LCLAT1: variants seen among roughly 807,000 people sequenced by gnomAD.
LCLAT1 encodes lysocardiolipin acyltransferase 1, also known as 1-AGP acyltransferase 8.
A neutral mutation model predicts 30.7 loss-of-function variants in LCLAT1; 11 were observed. The observed-to-expected ratio is 0.36, with a 90% CI of 0.23 to 0.59. The LOEUF (loss-of-function observed/expected upper bound fraction) is 0.59. Ranked by LOEUF, LCLAT1 falls within the 20% of genes least tolerant of loss-of-function variation. The pLI is 0.77. For synonymous variants in LCLAT1, 155 were observed against 151.3 expected, an observed-to-expected ratio of 1.02 and a Z score of -0.18; for missense variants, 402 against 458.6, an observed-to-expected ratio of 0.88 and a Z score of 1.13.
intron 1 of LCLAT1, among the ~76,000 whole-genome samples, chr2:30,476,976 C>T (rs1558462792): frequency 6.6e-6 from 1 of 152,128 alleles, no homozygotes; most frequent in Non-Finnish European, 1.5e-5. Context: ...ATAAGTTTTG[C>T]AGTTCATTTT....
At chr2:30,552,960 C>T (rs936179303) in intron 3 of LCLAT1, among the ~76,000 whole-genome samples, 3 of 152,112 alleles carry the variant, frequency 2.0e-5, no homozygotes, top group Non-Finnish European at 1.5e-5. Context: ...GTCGAAGGAG[C>T]AGTTGTCTGT....
intron 1 of LCLAT1, among the ~76,000 whole-genome samples, chr2:30,450,980 C>CGTGT (rs35125419): frequency 2.6e-5 from 4 of 151,794 alleles, no homozygotes; most frequent in Non-Finnish European, 5.9e-5. Flanking sequence ...GGACTCATAC[C>CGTGT]GTGTGTGTGT....
intron 1 of LCLAT1, among the ~76,000 whole-genome samples, chr2:30,502,993 G>A (rs1395123515): frequency 6.6e-6 from 1 of 152,170 alleles, no homozygotes; most frequent in Non-Finnish European, 1.5e-5. Context: ...GGCAACGTAT[G>A]GTCTCTTGGC....
chr2:30,593,288 C>T (rs1380446474), intron 5 of LCLAT1, among the ~76,000 whole-genome samples: 1 of 151,778 alleles, frequency 6.6e-6, no homozygotes, highest in Non-Finnish European at 1.5e-5. Context: ...ATATGGAATA[C>T]ATTTTCTTTT....
At chr2:30,488,847 T>C (rs1683690979) in intron 1 of LCLAT1, among the ~76,000 whole-genome samples, 1 of 152,226 alleles carries the variant, frequency 6.6e-6, no homozygotes, top group African/African-American at 2.4e-5. Flanking sequence ...TTACTATATT[T>C]CCATAAGGAA....
intron 3 of LCLAT1, among the ~76,000 whole-genome samples, chr2:30,544,663 C>T (rs10495776): frequency 0.71 from 108,490 of 151,964 alleles, 38,832 homozygotes; most frequent in African/African-American, 0.76. Flanking sequence ...TTACTTCTAT[C>T]AGCTTTGAAT....
Position 30,640,533 on chromosome 2 carries a change from A to T in LCLAT1, c.1045A>T (p.Ile349Leu). 1 of 1,614,158 alleles carries T rather than the reference A, an allele frequency of 6.2e-7. No homozygotes were observed. The highest frequency in any genetic ancestry group is 8.5e-7 in the Non-Finnish European group (1 of 1,180,014). The change falls in exon 6 of 6, where the codon ATA becomes TTA. Residue 349 changes from isoleucine (I) to leucine (L), a missense_variant. Physicochemically the swap from Ile to Leu is conservative, Grantham distance 5. Transcript: ENST00000379509. Reference protein sequence around the residue: ...TIVIFVLQERIFGGLEIIELA... With the variant: ...TIVIFVLQERLFGGLEIIELA... ...TGTAATCTTTGTGCTGCAAGAGAGAATATTTGGTGGACTGGAGATCATAGA... is the reference window on the plus strand; with the variant it reads ...TGTAATCTTTGTGCTGCAAGAGAGATTATTTGGTGGACTGGAGATCATAGA...
At chr2:30,447,772 G>A (rs1681334259) in intron 1 of LCLAT1, among the ~76,000 whole-genome samples, 1 of 152,204 alleles carries the variant, frequency 6.6e-6, no homozygotes, top group African/African-American at 2.4e-5. Flanking sequence ...GTCCCGGAAC[G>A]CAACCTGAGG....
intron 1 of LCLAT1, among the ~76,000 whole-genome samples, chr2:30,494,590 G>A (rs1684006749): frequency 6.6e-6 from 1 of 151,466 alleles, no homozygotes; most frequent in Non-Finnish European, 1.5e-5. Flanking sequence ...GTGCATACAT[G>A]TATGCATGCA....
chr2:30,546,582 C>T (rs984439989), intron 3 of LCLAT1, among the ~76,000 whole-genome samples: 2 of 152,108 alleles, frequency 1.3e-5, no homozygotes, highest in Admixed American at 6.5e-5. Context: ...ATAAACATTA[C>T]AATAAATTTG....
chr2:30,480,751 C>T (rs1438661457), intron 1 of LCLAT1, among the ~76,000 whole-genome samples: 1 of 152,062 alleles, frequency 6.6e-6, no homozygotes, highest in Non-Finnish European at 1.5e-5. Context: ...GAGACTGTTT[C>T]TGGGGTTGGG....
chr2:30,515,206 C>A (rs929685472), intron 1 of LCLAT1, among the ~76,000 whole-genome samples: 1 of 152,202 alleles, frequency 6.6e-6, no homozygotes, highest in African/African-American at 2.4e-5. Context: ...CTTCTTTAAT[C>A]CCTGTTAGCA....
chr2:30,459,668 A>C (rs762998034), intron 1 of LCLAT1: 2 of 1,614,156 alleles, frequency 1.2e-6, no homozygotes, highest in Admixed American at 1.7e-5. Flanking sequence ...TCAATTAACG[A>C]GGCAGTTTCT....
At chr2:30,512,823 C>T (rs1457663575) in intron 1 of LCLAT1, among the ~76,000 whole-genome samples, 3 of 152,196 alleles carry the variant, frequency 2.0e-5, no homozygotes, top group East Asian at 3.9e-4. Context: ...AATGTTCCCC[C>T]TTCTCTTATT....
At chr2:30,578,795 T>C (rs2148463411) in intron 5 of LCLAT1, among the ~76,000 whole-genome samples, 1 of 152,306 alleles carries the variant, frequency 6.6e-6, no homozygotes, top group African/African-American at 2.4e-5. Flanking sequence ...CTGTAATCCA[T>C]AGTGCCTAAA....
At chr2:30,598,281 T>G (rs1667018162) in intron 5 of LCLAT1, among the ~76,000 whole-genome samples, 1 of 152,146 alleles carries the variant, frequency 6.6e-6, no homozygotes, top group African/African-American at 2.4e-5. Context: ...TGGGCTTTTT[T>G]TGGTTGGTAG....
chr2:30,635,870 A>G (rs12613783), intron 5 of LCLAT1, among the ~76,000 whole-genome samples: 49,624 of 152,140 alleles, frequency 0.33, 8,406 homozygotes, highest in East Asian at 0.6. Context: ...ATAGCAGACT[A>G]TACAAATATT....
At chr2:30,546,709 A>G (rs911262516) in intron 3 of LCLAT1, among the ~76,000 whole-genome samples, 1 of 152,166 alleles carries the variant, frequency 6.6e-6, no homozygotes, top group Non-Finnish European at 1.5e-5. Flanking sequence ...TGTTTGACAT[A>G]TTTAAAATCT....
chr2:30,464,614 A>G (rs949977243), intron 1 of LCLAT1, among the ~76,000 whole-genome samples: 1 of 152,192 alleles, frequency 6.6e-6, no homozygotes, highest in Admixed American at 6.5e-5. Context: ...TGAGACTACA[A>G]AATTTGAGCA....
Sources: allele counts gnomAD v4.1 joint callset (sites outside exome capture counted in the v4.1 genomes callset), GRCh38; gene constraint gnomAD v4.1.1; transcripts MANE v1.5; gene names NCBI Gene and HGNC (gene_info 2026-07-23, HGNC 2026-07-21).